Variants in RGL1 observed in about 807,000 individuals in gnomAD.
RGL1 encodes the protein ral guanine nucleotide dissociation stimulator-like 1.
A neutral mutation model predicts 95.2 loss-of-function variants in RGL1; 24 were observed. That is an observed-to-expected ratio of 0.25 (90% CI 0.18 to 0.35). The LOEUF (loss-of-function observed/expected upper bound fraction) is 0.35, where lower values mean the gene tolerates loss of function less well. Among genes scored for constraint, RGL1 ranks in the 10% least tolerant of loss-of-function variants. The pLI is 1.00. For missense variants in RGL1, 715 were observed against 936.3 expected (o/e 0.76, Z 3.08); for synonymous variants, 329 against 344.9 (o/e 0.95, Z 0.51).
chr1:183,691,499 A>T (rs1653941697), intron 1 of RGL1, among the ~76,000 whole-genome samples: 1 of 151,980 alleles, frequency 6.6e-6, no homozygotes, highest in Non-Finnish European at 1.5e-5. Flanking sequence ...GCAATAAAAA[A>T]GAGTTTCATA....
At chr1:183,750,264 A>G (rs887467245) in intron 2 of RGL1, among the ~76,000 whole-genome samples, 4 of 152,020 alleles carry the variant, frequency 2.6e-5, no homozygotes, top group African/African-American at 9.7e-5. Flanking sequence ...ATTCCTTTTC[A>G]TTCTTTTTTC....
chr1:183,711,408 T>A (rs1655255972), intron 1 of RGL1, among the ~76,000 whole-genome samples: 2 of 152,130 alleles, frequency 1.3e-5, no homozygotes, highest in African/African-American at 4.8e-5. Context: ...TGAGCAGTTT[T>A]CTGGGAGCCC....
chr1:183,656,415 G>A (rs1651167729), intron 1 of RGL1, among the ~76,000 whole-genome samples: 3 of 152,178 alleles, frequency 2.0e-5, no homozygotes, highest in Admixed American at 6.5e-5. Flanking sequence ...AGGTTTCTTC[G>A]TACTCAGCGA....
intron 1 of RGL1, among the ~76,000 whole-genome samples, chr1:183,697,197 C>T (rs1327163651): frequency 6.6e-6 from 1 of 152,162 alleles, no homozygotes; most frequent in Non-Finnish European, 1.5e-5. Context: ...CCCAAACCCC[C>T]ATGGCTTACT....
At chr1:183,744,448 A>G (rs565310456) in intron 2 of RGL1, among the ~76,000 whole-genome samples, 1,394 of 107,156 alleles carry the variant, frequency 0.013, 14 homozygotes, top group Non-Finnish European at 0.013. Flanking sequence ...ACTCACTCTT[A>G]GGTTTATGCC....
At chr1:183,840,475 C>T (rs1663972982) in intron 2 of RGL1, among the ~76,000 whole-genome samples, 1 of 152,096 alleles carries the variant, frequency 6.6e-6, no homozygotes, top group African/African-American at 2.4e-5. Context: ...GTCAAAGTTC[C>T]ATACTTTGGG....
At chr1:183,667,676 T>C (rs1652136941) in intron 1 of RGL1, among the ~76,000 whole-genome samples, 1 of 152,200 alleles carries the variant, frequency 6.6e-6, no homozygotes, top group South Asian at 2.1e-4. Context: ...ATATCTACCT[T>C]ATTTAATACT....
rs1170311997 is a variant in RGL1 at position 183,805,332 on chromosome 1, G to A, written c.27+8G>A. On this transcript the variant is annotated splice_region_variant and intron_variant, in intron 1 of 17. Coordinates refer to ENST00000360851, the MANE Select transcript of RGL1 (RefSeq NM_001297671.3). ...CTTTGGCAAGCTAAAATGGTAACGAGAGCTCTCTGCCTTCTCCCGAGGCTT... is the reference window on the plus strand; with the variant it reads ...CTTTGGCAAGCTAAAATGGTAACGAAAGCTCTCTGCCTTCTCCCGAGGCTT... 9.9e-6 allele frequency: 16 copies of A among 1,610,088 alleles called. No homozygotes were observed. Among genetic ancestry groups the A allele is most frequent in the Admixed American group, 1.7e-5 (1 of 59,874 alleles).
intron 2 of RGL1, among the ~76,000 whole-genome samples, chr1:183,832,664 G>C (rs946159625): frequency 1.3e-5 from 2 of 152,180 alleles, no homozygotes; most frequent in African/African-American, 2.4e-5. Context: ...GGTCCAGACT[G>C]CTTGAATTTG....
chr1:183,788,981 GA>G (rs1660315308), intron 2 of RGL1, among the ~76,000 whole-genome samples: 1 of 152,172 alleles, frequency 6.6e-6, no homozygotes, highest in Admixed American at 6.5e-5. Context: ...TGTCACCTAA[GA>G]GATTGTTTTC....
At chr1:183,684,148 C>T (rs1486335835) in intron 1 of RGL1, among the ~76,000 whole-genome samples, 1 of 152,086 alleles carries the variant, frequency 6.6e-6, no homozygotes, top group Non-Finnish European at 1.5e-5. Flanking sequence ...TTATTACCCA[C>T]CTTCTGAAGC....
At chr1:183,900,316 A>G (rs1310838390) in intron 11 of RGL1, 80 bp downstream of exon 11, 1 of 1,157,464 alleles carries the variant, frequency 8.6e-7, no homozygotes, top group Non-Finnish European at 1.3e-6. Context: ...TTCTCTTAGT[A>G]TCTTTTGAAG....
At chr1:183,700,110 C>CGAA (rs1654495437) in intron 1 of RGL1, among the ~76,000 whole-genome samples, 5 of 152,170 alleles carry the variant, frequency 3.3e-5, no homozygotes, top group African/African-American at 4.8e-5. Flanking sequence ...TCCCTCTTCC[C>CGAA]ACTCCTACCC....
intron 8 of RGL1, among the ~76,000 whole-genome samples, chr1:183,890,938 G>C (rs1667382471): frequency 6.6e-6 from 1 of 152,080 alleles, no homozygotes; most frequent in Non-Finnish European, 1.5e-5. Flanking sequence ...GCATTGGACT[G>C]TATACTTCAA....
chr1:183,663,323 G>A (rs1323149555), intron 1 of RGL1, among the ~76,000 whole-genome samples: 1 of 150,682 alleles, frequency 6.6e-6, no homozygotes, highest in African/African-American at 2.4e-5. Context: ...TCTGACAAAG[G>A]GCTAATATCC....
At chr1:183,868,423 C>T (rs143899242) in intron 4 of RGL1, among the ~76,000 whole-genome samples, 3 of 152,242 alleles carry the variant, frequency 2.0e-5, no homozygotes, top group East Asian at 3.9e-4. Flanking sequence ...AGACATAGAG[C>T]CTTCTCGCTC....
chr1:183,868,415 A>G (rs773174989), intron 4 of RGL1, among the ~76,000 whole-genome samples: 105 of 152,176 alleles, frequency 6.9e-4, no homozygotes, highest in Non-Finnish European at 1.2e-3. Flanking sequence ...AATGGGTTAG[A>G]CATAGAGCCT....
At chr1:183,705,362 C>T (rs193190679) in intron 1 of RGL1, among the ~76,000 whole-genome samples, 49 of 152,106 alleles carry the variant, frequency 3.2e-4, no homozygotes, top group African/African-American at 1.1e-3. Context: ...GACCTGATGC[C>T]CCCATTCTGC....
chr1:183,824,084 G>A (rs1057086892), intron 2 of RGL1, among the ~76,000 whole-genome samples: 1 of 151,888 alleles, frequency 6.6e-6, no homozygotes, highest in African/African-American at 2.4e-5. Context: ...CACTATACCT[G>A]GCTGATTTTA....
Sources: allele counts gnomAD v4.1 joint callset (sites outside exome capture counted in the v4.1 genomes callset), GRCh38; gene constraint gnomAD v4.1.1; transcripts MANE v1.5; gene names NCBI Gene and HGNC (gene_info 2026-07-23, HGNC 2026-07-21).